Variants in MPP4 observed in about 807,000 individuals in gnomAD.
MPP4 encodes the protein MAGUK p55 scaffold protein 4.
Under a neutral mutation model 98.3 loss-of-function variants are expected in MPP4, and 91 were observed. The observed-to-expected ratio is 0.93, with a 90% CI of 0.78 to 1.10. The LOEUF is 1.10. Ranked by LOEUF, MPP4 falls within the 50% of genes least tolerant of loss-of-function variation. The pLI, the probability that MPP4 is intolerant of heterozygous loss-of-function variation, is 0.00. For synonymous variants in MPP4, 261 were observed against 271.8 expected (o/e 0.96, Z 0.39); for missense variants, 744 against 792.9 (o/e 0.94, Z 0.74).
intron 10 of MPP4, among the ~76,000 whole-genome samples, chr2:201,677,739 G>A (rs1688546125): frequency 6.6e-6 from 1 of 152,208 alleles, no homozygotes; most frequent in Non-Finnish European, 1.5e-5. Context: ...GGGGAGGGCA[G>A]AGCCGGGGAA....
chr2:201,670,732 T>C (rs1688317996), intron 11 of MPP4, among the ~76,000 whole-genome samples: 1 of 152,236 alleles, frequency 6.6e-6, no homozygotes. Context: ...GATTGTGTCA[T>C]GAAAAATGTT....
chr2:201,684,079 G>C (rs1357660912), intron 7 of MPP4, among the ~76,000 whole-genome samples: 1 of 151,772 alleles, frequency 6.6e-6, no homozygotes, highest in African/African-American at 2.4e-5. Context: ...AATTGGCTGG[G>C]CATGGTAGTG....
chr2:201,656,393 G>A (rs78467886), intron 16 of MPP4, 25 bp from the exon 17 acceptor site: 337 of 1,538,360 alleles, frequency 2.2e-4, no homozygotes, highest in Non-Finnish European at 2.8e-4. Context: ...TGCACAGAAC[G>A]TAAGAACCAG....
At position 201,681,532 on chromosome 2, in the gene MPP4, A is replaced by G; in HGVS notation, c.696T>C (p.Val232=). The change falls in exon 9 of 22, where the codon GTT becomes GTC. Residue 232 remains valine, a synonymous_variant. Transcript: ENST00000409474. ...TATTCACAGGAGGGTCAGAGACTGG[A>G]ACCACCTTGAACATGATTGTGCCTC... ...MSRGTIMFKV[V]PVSDPPVNSQ... 6.2e-7 allele frequency: 1 copy of G among 1,613,828 alleles called. No homozygotes were observed. The highest frequency in any genetic ancestry group is 8.5e-7 in the Non-Finnish European group (1 of 1,179,824).
intron 11 of MPP4, among the ~76,000 whole-genome samples, chr2:201,674,624 G>C (rs1281730390): frequency 6.6e-6 from 1 of 152,162 alleles, no homozygotes; most frequent in African/African-American, 2.4e-5. Context: ...CTTCATTCCA[G>C]GGTTCGCTTT....
In MPP4 at chr2:201,645,251, C is replaced by T. The variant is rs775483357; in HGVS notation, c.1873G>A (p.Val625Ile). 54 of 1,613,506 alleles carry T rather than the reference C, an allele frequency of 3.3e-5. No individual in the cohort carries two copies. The highest frequency in any genetic ancestry group is 4.3e-5 in the Non-Finnish European group (51 of 1,179,702). ...TCTGAGGAAATCCATGTTGCTGGTA[C>T]CCACTGAGGCTCCTCCTGAGCCTTC... is the stretch of plus-strand genomic sequence containing the variant. ...IQKAQEEPQW[V>I]PATWISSDTE... Residue 625 changes from valine (V) to isoleucine (I), a missense_variant, in exon 22 of 22, where the codon GTA becomes ATA. Val to Ile is a conservative substitution (Grantham distance 29). Coordinates refer to ENST00000409474, the MANE Select transcript of MPP4 (RefSeq NM_033066.3).
At chr2:201,684,981 AG>A (rs1688778471) in intron 7 of MPP4, 82 bp downstream of exon 7, 2 of 1,148,424 alleles carry the variant, frequency 1.7e-6, no homozygotes, top group Non-Finnish European at 2.4e-6. Flanking sequence ...AAGAAAAAAA[AG>A]GGATTTCTCT....
chr2:201,651,299 T>A (rs1687706857), intron 18 of MPP4: 1 of 985,404 alleles, frequency 1.0e-6, no homozygotes, highest in Non-Finnish European at 1.2e-6. Flanking sequence ...TTTTTGTTTT[T>A]TCCTTATTCA....
rs1469878152 is a variant in MPP4, at chr2:201,666,385, A to G, written c.1013-13T>C. 3 of 1,531,228 alleles carry G rather than the reference A, an allele frequency of 2.0e-6. No individual in the cohort carries two copies. Among genetic ancestry groups the G allele is most frequent in the Non-Finnish European group, 2.6e-6 (3 of 1,137,600 alleles). 94.9% of individuals were successfully genotyped at this position (1,531,228 alleles called of 1,614,324 possible). On this transcript the variant is annotated splice_polypyrimidine_tract_variant and intron_variant, in intron 12 of 21. Coordinates refer to ENST00000409474, the MANE Select transcript of MPP4 (RefSeq NM_033066.3). ...TTCATGTCATCTTCTATAAAAGAGT[A>G]TAGAAAGGGAGAAACAGAATTTAAA...
chr2:201,676,373 T>A (rs1439228548), intron 10 of MPP4, among the ~76,000 whole-genome samples: 1 of 152,170 alleles, frequency 6.6e-6, no homozygotes, highest in East Asian at 1.9e-4. Context: ...GGACTGGGAT[T>A]CAACAGACCT....
chr2:201,669,783 A>G lies in MPP4; in HGVS notation c.995-33T>C, dbSNP rs776041080. The G allele has an allele frequency of 1.2e-5, 16 of 1,367,226 alleles. No homozygotes were observed. In the South Asian group the frequency reaches 3.0e-4, roughly 26 times the overall value. 84.7% of individuals were successfully genotyped at this position (1,367,226 alleles called of 1,614,324 possible). A position where few individuals can be genotyped will look rare whatever the true frequency, so the allele number is the denominator to read the frequency against. On this transcript the variant is annotated intron_variant, in intron 11 of 21. Transcript: ENST00000409474. The stretch of plus-strand genomic sequence containing the variant: ...CAAGCAAATGATTGAAGCAGGGGGG[A>G]TAAAAAGAACACAGTATCTGTACTA...
In MPP4 at chr2:201,656,322, G is replaced by C; in HGVS notation, c.1176C>G (p.Leu392=). 6.4e-7 allele frequency: 1 copy of C among 1,560,010 alleles called. No homozygotes were observed. Among genetic ancestry groups the C allele is most frequent in the Non-Finnish European group, 8.7e-7 (1 of 1,151,536 alleles). The change falls in exon 17 of 22, where the codon CTC becomes CTG. Residue 392 remains leucine (L), a synonymous_variant. Coordinates refer to ENST00000409474, the MANE Select transcript of MPP4 (RefSeq NM_033066.3). ...AGCACACACTGGCATGCAGCGGGCT[G>C]AGGTGAGACTTCCTGCGACAAAGGC... is the stretch of plus-strand genomic sequence containing the variant. The part of the protein sequence containing the change: ...SMRLCRRKSH[L]SPLHASVCCT...
chr2:201,693,137 C>T lies in MPP4; in HGVS notation c.80-108G>A, dbSNP rs1689086626. 3.9e-6 allele frequency: 5 copies of T among 1,288,322 alleles called. No homozygotes were observed. The Admixed American group carries it at 1.2e-4, about 32-fold the overall frequency. 79.8% of individuals were successfully genotyped at this position (1,288,322 alleles called of 1,614,324 possible). A position where few individuals can be genotyped will look rare whatever the true frequency, so the allele number is the denominator to read the frequency against. ...GGGGTCTCACCAGGAGTGGAAATGA[C>T]ACTGGATCTCAGGCCAAAAGATCTG... On this transcript the variant is annotated intron_variant, in intron 2 of 21. Transcript: ENST00000409474.
chr2:201,682,521 G>A (rs1688694000), intron 8 of MPP4, among the ~76,000 whole-genome samples: 1 of 152,230 alleles, frequency 6.6e-6, no homozygotes, highest in Non-Finnish European at 1.5e-5. Context: ...CCCAGGTTCA[G>A]TTTCCAATGG....
chr2:201,651,068 A>G (rs1687700413), intron 18 of MPP4: 1 of 985,322 alleles, frequency 1.0e-6, no homozygotes, highest in Non-Finnish European at 1.2e-6. Flanking sequence ...TGCATCCTAT[A>G]TACTGTAAAG....
intron 5 of MPP4, among the ~76,000 whole-genome samples, chr2:201,686,414 T>G (rs1243346980): frequency 6.6e-6 from 1 of 152,178 alleles, no homozygotes; most frequent in Non-Finnish European, 1.5e-5. Flanking sequence ...TTTATAATAT[T>G]TTCCCCAATT....
intron 12 of MPP4, 116 bp downstream of exon 12, chr2:201,669,617 G>T (rs1688283780): frequency 2.3e-6 from 1 of 433,728 alleles, no homozygotes; most frequent in African/African-American, 2.1e-5. Flanking sequence ...ACACTACTAG[G>T]TATATAGGAA....
chr2:201,684,806 C>T lies in MPP4; in HGVS notation c.574+258G>A, dbSNP rs538516238. Among the ~76,000 whole-genome samples the T allele has an allele frequency of 4.6e-3, 700 of 151,726 alleles. 7 individuals are homozygous for T. Among genetic ancestry groups the T allele is most frequent in the African/African-American group, 0.016 (664 of 41,370 alleles). On this transcript the variant is annotated intron_variant, in intron 7 of 21. Coordinates refer to ENST00000409474, the MANE Select transcript of MPP4 (RefSeq NM_033066.3). ...TCTACTAAAAATACAAAAAATTAGC[C>T]GGGCGTGGTGGCGGGCGCCTGTAAT...
At chr2:201,697,973 C>T in intron 1 of MPP4, 3 of 985,384 alleles carry the variant, frequency 3.0e-6, no homozygotes, top group South Asian at 4.7e-5. Flanking sequence ...TCAGTTGAAG[C>T]TTATCTATTT....
Sources: allele counts gnomAD v4.1 joint callset (sites outside exome capture counted in the v4.1 genomes callset), GRCh38; gene constraint gnomAD v4.1.1; transcripts MANE v1.5; gene names NCBI Gene and HGNC (gene_info 2026-07-23, HGNC 2026-07-21).